ZNF93: variants seen among roughly 807,000 people sequenced by gnomAD.
ZNF93 encodes zinc finger protein 505.
In ZNF93, 29 loss-of-function variants were observed where a neutral mutation model predicts 45.0. The ratio of observed to expected loss-of-function variants is 0.64; its 90% CI spans 0.48 to 0.88. The LOEUF is 0.88. Among genes scored for constraint, ZNF93 ranks in the 40% least tolerant of loss-of-function variants. The probability of loss-of-function intolerance (pLI) is 0.00; values close to 1 mark genes in which losing one functional copy is unlikely to be tolerated. For synonymous variants in ZNF93, 223 were observed against 244.6 expected (o/e 0.91, Z 0.82); for missense variants, 578 against 724.0 (o/e 0.80, Z 2.31).
At chr19:19,919,780 T>G (rs2063337581) in intron 3 of ZNF93, among the ~76,000 whole-genome samples, 1 of 152,238 alleles carries the variant, frequency 6.6e-6, no homozygotes, top group Non-Finnish European at 1.5e-5. Flanking sequence ...ATAAGAATGC[T>G]TGTGATTTTT....
chr19:19,935,098 G>C lies in ZNF93; in HGVS notation c.*280G>C. ...TTCTGCCTATATAGAAACCCACACA[G>C]TTAACCTGAGGAAATGCTCTCTGGT... On this transcript the variant is annotated 3_prime_UTR_variant, in exon 4 of 4. Coordinates refer to ENST00000343769, the MANE Select transcript of ZNF93 (RefSeq NM_031218.4). 1 of 387,102 alleles carries C rather than the reference G, an allele frequency of 2.6e-6. No individual in the cohort carries two copies. Among genetic ancestry groups the C allele is most frequent in the Non-Finnish European group, 4.6e-6 (1 of 217,046 alleles). The allele number at this position is 387,102 out of a possible 1,614,324, so 24.0% of individuals were successfully genotyped here.
intron 3 of ZNF93, chr19:19,932,948 T>G (rs2122198681): frequency 3.4e-6 from 1 of 298,360 alleles, no homozygotes; most frequent in East Asian, 5.6e-5. Context: ...ATATTGTTTT[T>G]CAATTGTTTG....
chr19:19,922,340 TG>T (rs1281513959), intron 3 of ZNF93, among the ~76,000 whole-genome samples: 1 of 152,248 alleles, frequency 6.6e-6, no homozygotes, highest in East Asian at 1.9e-4. Context: ...CTTCCCTTTG[TG>T]GGTAACCTGA....
intron 3 of ZNF93, among the ~76,000 whole-genome samples, chr19:19,928,702 C>CT (rs751776596): frequency 2.0e-4 from 31 of 152,160 alleles, no homozygotes; most frequent in Middle Eastern, 3.4e-3. Context: ...TAATTGTTTG[C>CT]TTTTTTGTAG....
At chr19:19,929,705 G>A (rs1274168927) in intron 3 of ZNF93, among the ~76,000 whole-genome samples, 3 of 151,922 alleles carry the variant, frequency 2.0e-5, no homozygotes, top group South Asian at 2.1e-4. Flanking sequence ...TTGGGAGGCC[G>A]AGGCGGGCGG....
chr19:19,903,315 A>T (rs2063281817), intron 1 of ZNF93, among the ~76,000 whole-genome samples: 1 of 152,166 alleles, frequency 6.6e-6, no homozygotes, highest in Non-Finnish European at 1.5e-5. Context: ...AGAATGTCTT[A>T]CCCTGAAATC....
chr19:19,916,806 T>C, intron 3 of ZNF93, 151 bp downstream of exon 3: 1 of 592,164 alleles, frequency 1.7e-6, no homozygotes. Context: ...TTCTGTTTTT[T>C]AATTTTGTTC....
chr19:19,923,882 C>T (rs1279303256), intron 3 of ZNF93, among the ~76,000 whole-genome samples: 8 of 152,286 alleles, frequency 5.3e-5, no homozygotes, highest in South Asian at 4.1e-4. Context: ...GGTGATGCCT[C>T]GCCCTGCTTC....
At chr19:19,922,227 T>A (rs1320834768) in intron 3 of ZNF93, among the ~76,000 whole-genome samples, 1 of 152,202 alleles carries the variant, frequency 6.6e-6, no homozygotes, top group Admixed American at 6.5e-5. Flanking sequence ...GGGTATGAAA[T>A]TCTGGGTTAA....
At chr19:19,922,961 T>G (rs1367011577) in intron 3 of ZNF93, among the ~76,000 whole-genome samples, 1 of 152,234 alleles carries the variant, frequency 6.6e-6, no homozygotes, top group African/African-American at 2.4e-5. Context: ...CATTCAGCTT[T>G]GTTCCATTGC....
In ZNF93 at chr19:19,901,040, G is replaced by C. The variant is rs777763184; in HGVS notation, c.-49G>C. On this transcript the variant is annotated 5_prime_UTR_variant, in exon 1 of 4. Coordinates refer to ENST00000343769, the MANE Select transcript of ZNF93 (RefSeq NM_031218.4). Reference sequence around the variant, plus strand: ...GCCTCTGTGGCCCTGTGACCTGCAGGTATTGGGAGATCCACAGCTAAGACA... The same window carrying C: ...GCCTCTGTGGCCCTGTGACCTGCAGCTATTGGGAGATCCACAGCTAAGACA... 1.9e-6 allele frequency: 3 copies of C among 1,611,786 alleles called. No individual in the cohort carries two copies. Among genetic ancestry groups the C allele is most frequent in the East Asian group, 4.5e-5 (2 of 44,822 alleles).
At chr19:19,931,656 G>A (rs1318333094) in intron 3 of ZNF93, among the ~76,000 whole-genome samples, 3 of 152,114 alleles carry the variant, frequency 2.0e-5, no homozygotes, top group African/African-American at 7.2e-5. Flanking sequence ...ATTTTATTTA[G>A]TAGTTTAATC....
Position 19,934,645 on chromosome 19 carries a change from C to T in ZNF93, c.1690C>T (p.Pro564Ser). The T allele has an allele frequency of 2.5e-6, 4 of 1,613,640 alleles. No individual in the cohort carries two copies. The highest frequency in any genetic ancestry group is 3.4e-6 in the Non-Finnish European group (4 of 1,179,848). The change falls in exon 4 of 4, where the codon CCT becomes TCT. Residue 564 changes from proline to serine, a missense_variant. Transcript: ENST00000343769. Reference protein sequence around the residue: ...THKILHTGEKPYRCRECGKAF... With the variant: ...THKILHTGEKSYRCRECGKAF... The stretch of plus-strand genomic sequence containing the variant: ...TAAGATACTTCATACTGGAGAGAAA[C>T]CTTATAGATGTAGAGAATGTGGCAA...
chr19:19,911,338 A>G (rs2063307335), intron 1 of ZNF93, among the ~76,000 whole-genome samples: 1 of 152,230 alleles, frequency 6.6e-6, no homozygotes, highest in Non-Finnish European at 1.5e-5. Context: ...GAATTTTGTC[A>G]GGCTGACAAG....
intron 1 of ZNF93, among the ~76,000 whole-genome samples, chr19:19,902,514 T>C (rs2063276608): frequency 6.6e-6 from 1 of 151,970 alleles, no homozygotes; most frequent in Admixed American, 6.6e-5. Context: ...TGCCTTGGCC[T>C]CCTGAAGTGC....
intron 3 of ZNF93, among the ~76,000 whole-genome samples, chr19:19,924,983 T>G (rs2063352345): frequency 6.6e-6 from 1 of 152,174 alleles, no homozygotes; most frequent in Non-Finnish European, 1.5e-5. Flanking sequence ...GGGAACGCAG[T>G]AAAAGCGAAG....
intron 3 of ZNF93, among the ~76,000 whole-genome samples, chr19:19,924,128 C>T (rs1161440310): frequency 3.3e-5 from 5 of 152,088 alleles, no homozygotes; most frequent in African/African-American, 1.2e-4. Flanking sequence ...AGTCTTGTTG[C>T]CCAGGCTGGA....
At chr19:19,902,259 G>GT (rs1437122780) in intron 1 of ZNF93, among the ~76,000 whole-genome samples, 208 of 149,626 alleles carry the variant, frequency 1.4e-3, no homozygotes, top group African/African-American at 5.0e-3. Context: ...TAAAACAGAA[G>GT]GTTTTTTTTT....
At chr19:19,907,131 C>G (rs190704030) in intron 1 of ZNF93, among the ~76,000 whole-genome samples, 1 of 151,524 alleles carries the variant, frequency 6.6e-6, no homozygotes, top group Non-Finnish European at 1.5e-5. Context: ...TTTTTTCTGA[C>G]CCCAGATTGT....
Sources: gnomAD v4.1 joint callset for allele counts (sites outside exome capture counted in the v4.1 genomes callset) on GRCh38, gnomAD v4.1.1 for gene constraint, MANE v1.5 for transcripts, NCBI Gene and HGNC (gene_info 2026-07-23, HGNC 2026-07-21) for gene names.